Variants in ARL5C observed in about 807,000 individuals in gnomAD.
The protein encoded by ARL5C is ARF like GTPase 5C.
A neutral mutation model predicts 20.8 loss-of-function variants in ARL5C; 21 were observed. The ratio of observed to expected loss-of-function variants is 1.01; its 90% CI spans 0.72 to 1.46. The LOEUF (loss-of-function observed/expected upper bound fraction) is 1.46. Among genes scored for constraint, ARL5C ranks in the 40% most tolerant of loss-of-function variants. The pLI is 0.00. For synonymous variants in ARL5C, 71 were observed against 81.6 expected, an observed-to-expected ratio of 0.87 and a Z score of 0.70; for missense variants, 199 against 225.1, an observed-to-expected ratio of 0.88 and a Z score of 0.74.
chr17:39,163,009 G>T (rs1229932562), intron 2 of ARL5C, among the ~76,000 whole-genome samples, 151 bp from the exon 3 acceptor site: 2 of 152,206 alleles, frequency 1.3e-5, no homozygotes, highest in East Asian at 3.8e-4. Flanking sequence ...GCCCCGTGCT[G>T]GGCCCTGGGG....
intron 5 of ARL5C, among the ~76,000 whole-genome samples, chr17:39,157,985 CTACT>C (rs1452027347): frequency 6.6e-6 from 1 of 151,910 alleles, no homozygotes; most frequent in African/African-American, 2.4e-5. Flanking sequence ...GTAATCCCGG[CTACT>C]CGGGAGGCTG....
chr17:39,164,938 G>T, intron 2 of ARL5C, 141 bp downstream of exon 2: 1 of 795,880 alleles, frequency 1.3e-6, no homozygotes. Context: ...TACTAGGAAG[G>T]TCCAAGCAGC....
chr17:39,160,491 A>G (rs1379576746), intron 5 of ARL5C, 100 bp downstream of exon 5: 1 of 1,447,428 alleles, frequency 6.9e-7, no homozygotes, highest in Non-Finnish European at 9.3e-7. Context: ...GCCAACTGTG[A>G]ACCAGATTCT....
intron 5 of ARL5C, among the ~76,000 whole-genome samples, chr17:39,159,022 G>GT (rs869126572): frequency 0.19 from 10,080 of 52,408 alleles, 4,086 homozygotes; most frequent in Non-Finnish European, 0.2. Context: ...TTTATCACTT[G>GT]TTTTTTTTTT....
chr17:39,159,525 G>A (rs904403723), intron 5 of ARL5C, among the ~76,000 whole-genome samples: 1 of 152,030 alleles, frequency 6.6e-6, no homozygotes, highest in African/African-American at 2.4e-5. Flanking sequence ...TCGAACTCCC[G>A]ACCTTGGGTG....
chr17:39,158,874 G>C (rs922722149), intron 5 of ARL5C, among the ~76,000 whole-genome samples: 2 of 151,732 alleles, frequency 1.3e-5, no homozygotes, highest in Non-Finnish European at 2.9e-5. Context: ...ATGGGGGTCT[G>C]GATATGTTGC....
At chr17:39,165,632 C>T in intron 1 of ARL5C, 83 bp downstream of exon 1, 13 of 1,528,000 alleles carry the variant, frequency 8.5e-6, no homozygotes, top group Non-Finnish European at 1.2e-5. Flanking sequence ...CGAGGTCCCC[C>T]CGTGCGTCCG....
chr17:39,158,532 G>A (rs1197187987), intron 5 of ARL5C, among the ~76,000 whole-genome samples: 2 of 151,808 alleles, frequency 1.3e-5, no homozygotes, highest in African/African-American at 4.8e-5. Flanking sequence ...AGGATCGCTT[G>A]AGCCCAAGAG....
In ARL5C at chr17:39,157,022, C is replaced by T. The variant is rs187714852; in HGVS notation, c.492-80G>A. 6.4e-5 allele frequency: 96 copies of T among 1,492,008 alleles called. No homozygotes were observed. In the East Asian group the frequency reaches 1.5e-3, roughly 23 times the overall value. 92.4% of individuals were successfully genotyped at this position (1,492,008 alleles called of 1,614,324 possible). A position where few individuals can be genotyped will look rare whatever the true frequency, so the allele number is the denominator to read the frequency against. ...TCAAGTCTCCAGCCCTTGCCCAGAT[C>T]GGACTGGGTGCAGGAACCAAAGTTA... On this transcript the variant is annotated intron_variant, in intron 5 of 5. Transcript: ENST00000269586.
chr17:39,157,803 GA>G (rs895302525), intron 5 of ARL5C, among the ~76,000 whole-genome samples: 1 of 136,728 alleles, frequency 7.3e-6, no homozygotes, highest in African/African-American at 2.8e-5. Flanking sequence ...AAAAAAAAAA[GA>G]AAAAAGTGGC....
chr17:39,165,729 A>T lies in ARL5C; in HGVS notation c.32T>A (p.Ile11Asn), dbSNP rs372247327. 27 of 1,551,744 alleles carry T rather than the reference A, an allele frequency of 1.7e-5. No homozygotes were observed. In the African/African-American group the frequency reaches 3.4e-4, roughly 20 times the overall value. MGQLIAKLMSIFGNQEHTVII... is the reference protein window; with the variant it reads MGQLIAKLMSNFGNQEHTVII... Reference sequence around the variant, plus strand: ...GCGCCCCTTACCCTGGTTCCCGAAGATGCTCATTAACTTGGCGATCAGCTG... The same window carrying T: ...GCGCCCCTTACCCTGGTTCCCGAAGTTGCTCATTAACTTGGCGATCAGCTG... Residue 11 changes from isoleucine to asparagine, a missense_variant, in exon 1 of 6, where the codon ATC (isoleucine) becomes AAC (asparagine). Ile to Asn is a moderately radical substitution (Grantham distance 149). Transcript: ENST00000269586.
chr17:39,156,876 T>C (rs1597666799), downstream of ARL5C: 4 of 1,551,772 alleles, frequency 2.6e-6, no homozygotes, highest in East Asian at 9.7e-5. Flanking sequence ...AGTTTCTGGT[T>C]GACCTCAGAC....
In ARL5C at chr17:39,161,318, C is replaced by T. The variant is rs1326464068; in HGVS notation, c.289G>A (p.Asp97Asn). 4.5e-6 allele frequency: 7 copies of T among 1,551,810 alleles called. No individual in the cohort carries two copies. In the Admixed American group the frequency reaches 1.2e-4, roughly 26 times the overall value. ...IILVIDSTDR[D>N]RLLTTREELY... ...TCCTCCCGAGTGGTCAGCAGCCGAT[C>T]CCGGTCCGTGCTGTCAATCACAAGG... Residue 97 changes from aspartate (D) to asparagine (N), a missense_variant, in exon 4 of 6, where the codon GAT becomes AAT. Physicochemically the swap from Asp to Asn is conservative, Grantham distance 23. Transcript: ENST00000269586.
intron 5 of ARL5C, among the ~76,000 whole-genome samples, chr17:39,159,589 G>A (rs972953990): frequency 1.3e-5 from 2 of 151,976 alleles, no homozygotes; most frequent in Non-Finnish European, 1.5e-5. Context: ...GAGCCACCGC[G>A]CCCCGCCATC....
At chr17:39,159,368 C>T (rs1462015252) in intron 5 of ARL5C, among the ~76,000 whole-genome samples, 1 of 148,472 alleles carries the variant, frequency 6.7e-6, no homozygotes, top group African/African-American at 2.5e-5. Context: ...ATGATCTTGA[C>T]TCACCGCAAC....
chr17:39,164,786 G>A (rs918628219), intron 2 of ARL5C, among the ~76,000 whole-genome samples: 9 of 152,190 alleles, frequency 5.9e-5, no homozygotes, highest in African/African-American at 1.9e-4. Flanking sequence ...GCTAGAGGGA[G>A]CGAAGAGCAG....
At chr17:39,158,697 C>A (rs1176644587) in intron 5 of ARL5C, among the ~76,000 whole-genome samples, 4 of 152,046 alleles carry the variant, frequency 2.6e-5, no homozygotes, top group African/African-American at 9.7e-5. Context: ...GTTTTCCAGG[C>A]CTGATGTAAG....
chr17:39,161,221 C>A, intron 4 of ARL5C, 47 bp downstream of exon 4: 1 of 1,514,144 alleles, frequency 6.6e-7, no homozygotes. Context: ...AGCCTGAGGG[C>A]ACACAGCTAG....
At chr17:39,163,345 C>CCTTTCTTTCTTTCTTTCCTTCTTTCTTT (rs2045444080) in intron 2 of ARL5C, among the ~76,000 whole-genome samples, 2 of 136,740 alleles carry the variant, frequency 1.5e-5, no homozygotes, top group Non-Finnish European at 1.6e-5. Flanking sequence ...CAGGCTTTTG[C>CCTTTCTTTCTTTCTTTCCTTCTTTCTTT]CTTTCTTTCT....
Sources: allele counts gnomAD v4.1 joint callset (sites outside exome capture counted in the v4.1 genomes callset), GRCh38; gene constraint gnomAD v4.1.1; transcripts MANE v1.5; gene names NCBI Gene and HGNC (gene_info 2026-07-23, HGNC 2026-07-21).